Variants in WDR41 observed in about 807,000 individuals in gnomAD.
The protein encoded by WDR41 is WD repeat-containing protein 41.
WDR41 carries 63 observed loss-of-function variants against 69.3 expected under a neutral mutation model. The ratio of observed to expected loss-of-function variants is 0.91; its 90% CI spans 0.74 to 1.12. WDR41 has a LOEUF of 1.12. Among genes scored for constraint, WDR41 ranks in the 50% most tolerant of loss-of-function variants. The pLI, the probability that WDR41 is intolerant of heterozygous loss-of-function variation, is 0.00. For missense variants in WDR41, 543 were observed against 534.5 expected, an observed-to-expected ratio of 1.02 and a Z score of -0.16; for synonymous variants, 185 against 192.1, an observed-to-expected ratio of 0.96 and a Z score of 0.31.
chr5:77,524,677 T>C (rs1203353522), intron 1 of WDR41, among the ~76,000 whole-genome samples: 1 of 152,170 alleles, frequency 6.6e-6, no homozygotes, highest in African/African-American at 2.4e-5. Flanking sequence ...ATTTTCAGTC[T>C]AGTTTTCCTC....
At chr5:77,542,407 T>C (rs1274892166) in intron 1 of WDR41, among the ~76,000 whole-genome samples, 1 of 152,108 alleles carries the variant, frequency 6.6e-6, no homozygotes, top group African/African-American at 2.4e-5. Flanking sequence ...AACATGAACA[T>C]CCTGCATGTG....
At chr5:77,613,369 G>T (rs1223352574) in intron 1 of WDR41, among the ~76,000 whole-genome samples, 13 of 152,128 alleles carry the variant, frequency 8.5e-5, no homozygotes, top group Non-Finnish European at 1.5e-4. Flanking sequence ...AAAGCTGGAG[G>T]CATCATGCTA....
At chr5:77,615,541 T>C (rs1744663283) in intron 1 of WDR41, among the ~76,000 whole-genome samples, 1 of 152,016 alleles carries the variant, frequency 6.6e-6, no homozygotes, top group Admixed American at 6.6e-5. Flanking sequence ...TTTTATAATT[T>C]AAAAAATTGA....
chr5:77,591,332 T>C (rs997041233), intron 1 of WDR41, among the ~76,000 whole-genome samples: 1 of 152,152 alleles, frequency 6.6e-6, no homozygotes, highest in Admixed American at 6.5e-5. Context: ...ATCAAACTTA[T>C]TAGCCTTTTC....
At chr5:77,610,572 G>A (rs1321458850) in intron 1 of WDR41, among the ~76,000 whole-genome samples, 5 of 151,538 alleles carry the variant, frequency 3.3e-5, no homozygotes, top group Admixed American at 3.3e-4. Flanking sequence ...ATAAGTGAAG[G>A]AGAAATAAAA....
At chr5:77,486,836 G>C (rs1243905702) in intron 2 of WDR41, among the ~76,000 whole-genome samples, 1 of 152,150 alleles carries the variant, frequency 6.6e-6, no homozygotes, top group African/African-American at 2.4e-5. Context: ...GCAGAATAAT[G>C]AGCTAAATAG....
At chr5:77,565,889 A>G (rs1401281903) in intron 1 of WDR41, among the ~76,000 whole-genome samples, 1 of 152,224 alleles carries the variant, frequency 6.6e-6, no homozygotes, top group African/African-American at 2.4e-5. Context: ...TCCTGATAAC[A>G]TCTGAAGGTG....
chr5:77,470,045 A>T (rs7713457), intron 2 of WDR41, among the ~76,000 whole-genome samples: 87,659 of 146,878 alleles, frequency 0.6, 27,989 homozygotes, highest in African/African-American at 0.81. Context: ...CGGGTTACCC[A>T]CGAAGGGAAG....
chr5:77,615,970 G>C (rs1321612576), intron 1 of WDR41, among the ~76,000 whole-genome samples: 1 of 151,702 alleles, frequency 6.6e-6, no homozygotes, highest in Admixed American at 6.6e-5. Context: ...TCCAGCCTGG[G>C]AGACAGAGTG....
At chr5:77,506,131 C>G (rs534560520) in intron 1 of WDR41, among the ~76,000 whole-genome samples, 1 of 152,248 alleles carries the variant, frequency 6.6e-6, no homozygotes, top group African/African-American at 2.4e-5. Context: ...TTTTTGCAAT[C>G]TATCCATCTG....
chr5:77,503,852 G>A (rs1365531702), intron 1 of WDR41, among the ~76,000 whole-genome samples: 1 of 152,110 alleles, frequency 6.6e-6, no homozygotes, highest in East Asian at 1.9e-4. Flanking sequence ...CAACATACCG[G>A]ACTCTCTGGG....
chr5:77,572,534 G>A (rs140995203), intron 1 of WDR41, among the ~76,000 whole-genome samples: 2 of 152,268 alleles, frequency 1.3e-5, no homozygotes, highest in East Asian at 3.9e-4. Context: ...AATAAATAGT[G>A]TTGAGTCATT....
intron 1 of WDR41, among the ~76,000 whole-genome samples, chr5:77,570,372 T>C (rs1381077414): frequency 4.6e-5 from 7 of 151,462 alleles, no homozygotes; most frequent in African/African-American, 1.5e-4. Context: ...GACTAAAACA[T>C]GATTCAATGG....
chr5:77,437,349 C>T lies in WDR41; in HGVS notation c.1080G>A (p.Glu360=). Residue 360 remains glutamate (E), a synonymous_variant, in exon 11 of 13, where the codon GAG becomes GAA. Transcript: ENST00000296679. ...ELREKQQLAA[E]PVPTGFFNMW... ...GAAGACACACACCTGTTGGTACAGG[C>T]TCAGCTGCAAGCTGCTGTTTTTCTC... 2 of 1,613,812 alleles carry T rather than the reference C, an allele frequency of 1.2e-6. No individual in the cohort carries two copies. The highest frequency in any genetic ancestry group is 1.7e-6 in the Non-Finnish European group (2 of 1,179,816).
At chr5:77,444,732 C>T (rs895377071) in intron 8 of WDR41, among the ~76,000 whole-genome samples, 1 of 152,206 alleles carries the variant, frequency 6.6e-6, no homozygotes, top group Non-Finnish European at 1.5e-5. Context: ...CACTGACATC[C>T]ACATCATGGC....
At chr5:77,496,471 T>C (rs1402462447), upstream of WDR41, among the ~76,000 whole-genome samples, 1 of 151,966 alleles carries the variant, frequency 6.6e-6, no homozygotes, top group Non-Finnish European at 1.5e-5. Flanking sequence ...TTGCCAGCAA[T>C]GAACAATCCA....
Position 77,432,931 on chromosome 5 carries a change from TG to T in WDR41, c.*203del. On this transcript the variant is annotated 3_prime_UTR_variant, in exon 13 of 13. Transcript: ENST00000296679. Reference sequence around the variant, plus strand: ...GCTCAAAGTCAAATGGAAAAACTTGTGGTATATTCTTTGGAGGATATACTAG... The same window carrying T: ...GCTCAAAGTCAAATGGAAAAACTTGTGTATATTCTTTGGAGGATATACTAG... 2.1e-6 allele frequency: 1 copy of T among 483,870 alleles called. No homozygotes were observed. The highest frequency in any genetic ancestry group is 3.6e-6 in the Non-Finnish European group (1 of 281,398). The allele number at this position is 483,870 out of a possible 1,614,324, so 30.0% of individuals were successfully genotyped here.
chr5:77,433,550 C>T (rs995370162), intron 12 of WDR41, among the ~76,000 whole-genome samples: 8 of 152,092 alleles, frequency 5.3e-5, no homozygotes, highest in African/African-American at 9.7e-5. Flanking sequence ...CAGATTTTTT[C>T]ATCATCTGAT....
At chr5:77,478,612 AC>A (rs1013381618) in intron 2 of WDR41, among the ~76,000 whole-genome samples, 4 of 152,238 alleles carry the variant, frequency 2.6e-5, no homozygotes, top group African/African-American at 9.6e-5. Flanking sequence ...AAGGCCTTTG[AC>A]AAAATTCAAC....
Sources: gnomAD v4.1 joint callset for allele counts (sites outside exome capture counted in the v4.1 genomes callset) on GRCh38, gnomAD v4.1.1 for gene constraint, MANE v1.5 for transcripts, NCBI Gene and HGNC (gene_info 2026-07-23, HGNC 2026-07-21) for gene names.